The following SGCD variants were observed in gnomAD, a reference collection of about 807,000 sequenced individuals.
SGCD encodes sarcoglycan delta, also known as delta-sarcoglycan.
In SGCD, 18 loss-of-function variants were observed where a neutral mutation model predicts 36.6. That is an observed-to-expected ratio of 0.49 (90% confidence interval 0.34 to 0.73). The LOEUF is 0.73. SGCD is among the 30% of genes least tolerant of loss of function. The probability of loss-of-function intolerance (pLI) is 0.01; values close to 1 mark genes in which losing one functional copy is unlikely to be tolerated. For synonymous variants in SGCD, 133 were observed against 130.6 expected, an observed-to-expected ratio of 1.02 and a Z score of -0.12; for missense variants, 387 against 346.7, an observed-to-expected ratio of 1.12 and a Z score of -0.92.
At chr5:156,365,856 G>A (rs112151431) in intron 3 of SGCD, among the ~76,000 whole-genome samples, 5,881 of 151,598 alleles carry the variant, frequency 0.039, 335 homozygotes, top group African/African-American at 0.13. Context: ...ATATATACAC[G>A]TGGGTATGTG....
intron 3 of SGCD, among the ~76,000 whole-genome samples, chr5:156,264,610 C>T (rs760659226): frequency 6.6e-6 from 1 of 151,984 alleles, no homozygotes; most frequent in Non-Finnish European, 1.5e-5. Context: ...ACTAATAATA[C>T]CCATGTAAGA....
rs548737575 is a variant in SGCD at position 156,381,426 on chromosome 5, G to A, written c.192+36749G>A. Among the ~76,000 whole-genome samples the A allele has an allele frequency of 1.1e-4, 16 of 152,268 alleles. No individual in the cohort carries two copies. The South Asian group carries it at 1.9e-3, about 18-fold the overall frequency. ...CAAATTGGTCTTTTATACAGAATAC[G>A]AATCTCGAGCTCTACCCTGGGGATG... On this transcript the variant is annotated intron_variant, in intron 3 of 8. Coordinates refer to ENST00000337851, the MANE Select transcript of SGCD (RefSeq NM_000337.6).
chr5:156,729,099 T>C (rs1755929900), intron 7 of SGCD, among the ~76,000 whole-genome samples: 1 of 152,238 alleles, frequency 6.6e-6, no homozygotes, highest in Non-Finnish European at 1.5e-5. Context: ...TGCCTCATAA[T>C]AAATAATCCT....
chr5:155,909,572 G>C (rs1293821876), intron 1 of SGCD, among the ~76,000 whole-genome samples: 3 of 152,092 alleles, frequency 2.0e-5, no homozygotes. Flanking sequence ...AAGATTACAA[G>C]AACCAAAGCA....
chr5:156,266,756 C>CT (rs756960386), intron 3 of SGCD, among the ~76,000 whole-genome samples: 2 of 149,560 alleles, frequency 1.3e-5, no homozygotes, highest in African/African-American at 2.5e-5. Flanking sequence ...GGGAATACAG[C>CT]TGTGACCCAC....
intron 4 of SGCD, among the ~76,000 whole-genome samples, chr5:156,515,280 T>A (rs1366946865): frequency 1.3e-5 from 2 of 152,194 alleles, no homozygotes; most frequent in Non-Finnish European, 2.9e-5. Context: ...TACACTCTGA[T>A]TCAGTAATGA....
intron 1 of SGCD, among the ~76,000 whole-genome samples, chr5:155,967,422 A>T (rs1408508002): frequency 6.6e-6 from 1 of 152,032 alleles, no homozygotes; most frequent in Admixed American, 6.6e-5. Flanking sequence ...CCATTATTGC[A>T]TGGGCCTTTC....
At chr5:156,212,471 C>T (rs1764469847) in intron 3 of SGCD, among the ~76,000 whole-genome samples, 1 of 151,916 alleles carries the variant, frequency 6.6e-6, no homozygotes, top group Admixed American at 6.6e-5. Flanking sequence ...ATATGTGCAC[C>T]CAACATTGGA....
At chr5:155,822,446 C>G in the SGCD span, among the ~76,000 whole-genome samples, 1 of 152,146 alleles carries the variant, frequency 6.6e-6, no homozygotes, top group Non-Finnish European at 1.5e-5. Flanking sequence ...TTGAAATGTC[C>G]TGAAATTGAC....
chr5:156,574,538 C>T (rs17640369), intron 4 of SGCD, among the ~76,000 whole-genome samples: 33,892 of 151,978 alleles, frequency 0.22, 4,568 homozygotes, highest in Non-Finnish European at 0.31. Flanking sequence ...ATTCAGGGCT[C>T]TGTGCCTCCA....
chr5:155,993,765 A>G (rs1758483567), intron 1 of SGCD, among the ~76,000 whole-genome samples: 1 of 152,170 alleles, frequency 6.6e-6, no homozygotes, highest in South Asian at 2.1e-4. Context: ...TGTGGGGGCC[A>G]GTTTGGTCTT....
In SGCD at chr5:156,027,311, G is replaced by A. The variant is rs142465112; in HGVS notation, c.-281-90567G>A. 4.1e-4 allele frequency among the ~76,000 whole-genome samples: 63 copies of A among 152,194 alleles called. 1 individual carries two copies. Among genetic ancestry groups the A allele is most frequent in the East Asian group, 3.7e-3 (19 of 5,184 alleles). On this transcript the variant is annotated intron_variant, in intron 1 of 9. Transcript: ENST00000517913. ...GTTTCTAGAAAGGGAGATACGTTACGACATCCCAGATTCAACAACTTGGTA... is the reference window on the plus strand; with the variant it reads ...GTTTCTAGAAAGGGAGATACGTTACAACATCCCAGATTCAACAACTTGGTA...
intron 7 of SGCD, among the ~76,000 whole-genome samples, chr5:156,699,558 A>G: frequency 6.6e-6 from 1 of 152,146 alleles, no homozygotes; most frequent in East Asian, 1.9e-4. Flanking sequence ...TCTCTAAAAG[A>G]AATTGACTTG....
intron 5 of SGCD, among the ~76,000 whole-genome samples, chr5:156,591,862 G>A (rs1017138194): frequency 2.0e-5 from 3 of 152,126 alleles, no homozygotes; most frequent in African/African-American, 7.2e-5. Flanking sequence ...AGCCTCAGGT[G>A]AAATCAACAA....
intron 4 of SGCD, among the ~76,000 whole-genome samples, chr5:156,556,866 T>G (rs1759043618): frequency 2.6e-5 from 4 of 152,184 alleles, no homozygotes; most frequent in Admixed American, 2.6e-4. Flanking sequence ...TTGCAGCTTA[T>G]GCTCCAGAGA....
At chr5:156,101,942 G>GTGT (rs61292236) in intron 1 of SGCD, among the ~76,000 whole-genome samples, 1 of 133,360 alleles carries the variant, frequency 7.5e-6, no homozygotes, top group Non-Finnish European at 1.6e-5. Context: ...GTGTGTGTGT[G>GTGT]AGAGAGAGAG....
At chr5:156,273,934 T>G (rs1766249388) in intron 3 of SGCD, among the ~76,000 whole-genome samples, 1 of 152,144 alleles carries the variant, frequency 6.6e-6, no homozygotes, top group Non-Finnish European at 1.5e-5. Context: ...GGATTGGACA[T>G]AATTCCAAGG....
At chr5:155,991,707 T>C (rs1246247682) in intron 1 of SGCD, among the ~76,000 whole-genome samples, 1 of 152,200 alleles carries the variant, frequency 6.6e-6, no homozygotes, top group Non-Finnish European at 1.5e-5. Flanking sequence ...TCTACCTTCA[T>C]TTCAACATTA....
At chr5:156,607,324 T>A (rs574393790) in intron 6 of SGCD, among the ~76,000 whole-genome samples, 7 of 152,318 alleles carry the variant, frequency 4.6e-5, no homozygotes, top group South Asian at 4.1e-4. Context: ...TTGTCATTGG[T>A]TGTGTTTATA....
Sources: gnomAD v4.1 joint callset for allele counts (sites outside exome capture counted in the v4.1 genomes callset) on GRCh38, gnomAD v4.1.1 for gene constraint, MANE v1.5 for transcripts, NCBI Gene and HGNC (gene_info 2026-07-23, HGNC 2026-07-21) for gene names.